CADM2: variants seen among roughly 807,000 people sequenced by gnomAD.
The protein encoded by CADM2 is immunoglobulin superfamily member 4D.
In CADM2, 12 loss-of-function variants were observed where a neutral mutation model predicts 49.8. The ratio of observed to expected loss-of-function variants is 0.24; its 90% CI spans 0.15 to 0.39. CADM2 has a LOEUF of 0.39. Among genes scored for constraint, CADM2 ranks in the 10% least tolerant of loss-of-function variants. The pLI is 1.00. For missense variants in CADM2, 378 were observed against 492.3 expected (o/e 0.77, Z 2.20); for synonymous variants, 214 against 175.4 (o/e 1.22, Z -1.74).
chr3:85,363,213 A>T (rs2032484105), intron 1 of CADM2, among the ~76,000 whole-genome samples: 1 of 152,190 alleles, frequency 6.6e-6, no homozygotes. Context: ...CCTTGTATAG[A>T]GTTTTACATA....
intron 1 of CADM2, among the ~76,000 whole-genome samples, chr3:85,333,938 C>T (rs2045007458): frequency 1.3e-5 from 2 of 151,712 alleles, no homozygotes; most frequent in Non-Finnish European, 3.0e-5. Context: ...GTACAATTCA[C>T]TTCCTTGGAA....
chr3:85,322,659 A>C (rs1477938533), intron 1 of CADM2, among the ~76,000 whole-genome samples: 1 of 152,174 alleles, frequency 6.6e-6, no homozygotes, highest in African/African-American at 2.4e-5. Context: ...TACATATGAT[A>C]TTTTCAGCTT....
chr3:85,995,800 A>C (rs1729321227), intron 8 of CADM2, among the ~76,000 whole-genome samples: 1 of 152,148 alleles, frequency 6.6e-6, no homozygotes. Flanking sequence ...CTTTAAAAAT[A>C]AAATACGGGG....
intron 2 of CADM2, among the ~76,000 whole-genome samples, chr3:85,746,434 C>T (rs143159336): frequency 6.2e-4 from 95 of 152,274 alleles, no homozygotes; most frequent in African/African-American, 2.1e-3. Context: ...TGTATTGTAA[C>T]ATCGATATTC....
chr3:85,563,737 C>T (rs989776265), intron 1 of CADM2, among the ~76,000 whole-genome samples: 1 of 152,070 alleles, frequency 6.6e-6, no homozygotes, highest in East Asian at 1.9e-4. Context: ...TCCAAATTTG[C>T]ACGGTGATGA....
chr3:85,686,264 T>C (rs947657882), intron 1 of CADM2, among the ~76,000 whole-genome samples: 9 of 152,334 alleles, frequency 5.9e-5, no homozygotes, highest in Admixed American at 5.9e-4. Context: ...AGTTTTATCT[T>C]AAGTTGAACT....
At chr3:85,946,917 A>G (rs1306486082) in intron 7 of CADM2, among the ~76,000 whole-genome samples, 1 of 152,122 alleles carries the variant, frequency 6.6e-6, no homozygotes, top group Non-Finnish European at 1.5e-5. Context: ...CACCAAAAGC[A>G]ATAGCAGCAA....
intron 1 of CADM2, among the ~76,000 whole-genome samples, chr3:85,619,963 A>T (rs1288285429): frequency 6.6e-6 from 1 of 152,214 alleles, no homozygotes; most frequent in African/African-American, 2.4e-5. Context: ...AAATCATTTT[A>T]CAATTATACA....
intron 8 of CADM2, among the ~76,000 whole-genome samples, chr3:86,029,693 T>C (rs1490462667): frequency 6.6e-6 from 1 of 152,080 alleles, no homozygotes; most frequent in Non-Finnish European, 1.5e-5. Context: ...TTTAAATTTC[T>C]GGCTCCTACA....
chr3:85,981,561 A>C (rs2108672089), intron 8 of CADM2, among the ~76,000 whole-genome samples: 1 of 151,658 alleles, frequency 6.6e-6, no homozygotes, highest in East Asian at 1.9e-4. Context: ...CCTTGTGTCC[A>C]TGTGTCCTCA....
At chr3:85,729,586 A>G (rs910926073) in intron 2 of CADM2, among the ~76,000 whole-genome samples, 1 of 152,172 alleles carries the variant, frequency 6.6e-6, no homozygotes, top group Non-Finnish European at 1.5e-5. Flanking sequence ...TTGTATGTAG[A>G]TTTAATAAAA....
At chr3:85,448,230 G>A (rs2037564095) in intron 1 of CADM2, among the ~76,000 whole-genome samples, 1 of 151,748 alleles carries the variant, frequency 6.6e-6, no homozygotes, top group African/African-American at 2.4e-5. Context: ...CTACTGGGGA[G>A]GCTGAGGCAG....
At chr3:85,192,599 C>CAT (rs71859231) in intron 1 of CADM2, among the ~76,000 whole-genome samples, 141 of 146,784 alleles carry the variant, frequency 9.6e-4, no homozygotes, top group African/African-American at 2.4e-3. Flanking sequence ...TATATGAATT[C>CAT]ATATATATAT....
intron 1 of CADM2, among the ~76,000 whole-genome samples, chr3:85,069,906 G>T (rs1049081558): frequency 6.6e-6 from 1 of 152,036 alleles, no homozygotes; most frequent in Admixed American, 6.6e-5. Context: ...GATATGTGTT[G>T]CTATTCCTTA....
chr3:85,675,709 C>A (rs1024735336), intron 1 of CADM2, among the ~76,000 whole-genome samples: 5 of 152,134 alleles, frequency 3.3e-5, no homozygotes, highest in Non-Finnish European at 5.9e-5. Flanking sequence ...CTTTTTAGGA[C>A]AGGTTGGGGA....
chr3:85,190,474 G>C (rs1177797433), intron 1 of CADM2, among the ~76,000 whole-genome samples: 3 of 151,998 alleles, frequency 2.0e-5, no homozygotes, highest in African/African-American at 7.3e-5. Flanking sequence ...GGCCATATGA[G>C]AAGTATAGTG....
At chr3:85,891,967 A>T (rs1444921574) in intron 5 of CADM2, among the ~76,000 whole-genome samples, 1 of 152,210 alleles carries the variant, frequency 6.6e-6, no homozygotes, top group Admixed American at 6.5e-5. Flanking sequence ...CATTAAACTT[A>T]CAGTAATGTG....
At chr3:85,951,786 TCTC>T (rs1559762407) in intron 7 of CADM2, among the ~76,000 whole-genome samples, 1 of 151,018 alleles carries the variant, frequency 6.6e-6, no homozygotes, top group East Asian at 2.0e-4. Context: ...TCATTTACCT[TCTC>T]CTTTTTCTTT....
intron 1 of CADM2, among the ~76,000 whole-genome samples, chr3:85,277,795 T>C (rs529128173): frequency 2.0e-5 from 3 of 150,676 alleles, no homozygotes; most frequent in South Asian, 4.2e-4. Context: ...CAATTCTTGA[T>C]AAAATATAGA....
Sources: gnomAD v4.1 joint callset for allele counts (sites outside exome capture counted in the v4.1 genomes callset) on GRCh38, gnomAD v4.1.1 for gene constraint, MANE v1.5 for transcripts, NCBI Gene and HGNC (gene_info 2026-07-23, HGNC 2026-07-21) for gene names.